PGS1: variants seen among roughly 807,000 people sequenced by gnomAD.
PGS1 encodes the protein phosphatidylglycerophosphate synthase 1.
PGS1 carries 44 observed loss-of-function variants against 58.3 expected under a neutral mutation model. The ratio of observed to expected loss-of-function variants is 0.75; its 90% CI spans 0.59 to 0.97. PGS1 has a LOEUF of 0.97. PGS1 is among the 50% of genes least tolerant of loss of function. The pLI is 0.00. For synonymous variants in PGS1, 330 were observed against 311.0 expected (o/e 1.06, Z -0.64); for missense variants, 684 against 731.1 (o/e 0.94, Z 0.74).
chr17:78,420,139 G>T (rs866619621), intron 9 of PGS1: 1 of 1,017,866 alleles, frequency 9.8e-7, no homozygotes, highest in Non-Finnish European at 1.2e-6. Flanking sequence ...TAGTGCACAG[G>T]GTGGGGCGTC....
intron 2 of PGS1, among the ~76,000 whole-genome samples, chr17:78,394,812 C>T (rs544783829): frequency 9.5e-4 from 145 of 152,308 alleles, no homozygotes; most frequent in Admixed American, 2.2e-3. Flanking sequence ...ACCTCGGCCT[C>T]CCAAAGTGCT....
intron 8 of PGS1, among the ~76,000 whole-genome samples, chr17:78,417,161 G>C (rs915365551): frequency 6.6e-6 from 1 of 152,182 alleles, no homozygotes. Flanking sequence ...TCGTAACCTC[G>C]TCAGCTGACT....
At chr17:78,417,104 AAC>A (rs1491202650) in intron 8 of PGS1, among the ~76,000 whole-genome samples, 1 of 152,206 alleles carries the variant, frequency 6.6e-6, no homozygotes, top group African/African-American at 2.4e-5. Context: ...TTGTTCAGGG[AAC>A]ACAGTTTACC....
chr17:78,400,491 G>T lies in PGS1; in HGVS notation c.702-186G>T, dbSNP rs1037392795. The stretch of plus-strand genomic sequence containing the variant: ...GGAGGAGGCTGTGGGTCACTTTGCT[G>T]TGTCACCTTGGATCAACTCTGGCTT... On this transcript the variant is annotated intron_variant, in intron 5 of 9. Coordinates refer to ENST00000262764, the MANE Select transcript of PGS1 (RefSeq NM_024419.5). This position sits in a 1 kb window ranked among gnomAD's most constrained non-coding sequence, Gnocchi z 4.4. Among the ~76,000 whole-genome samples the T allele has an allele frequency of 6.6e-6, 1 of 152,120 alleles. No homozygotes were observed. The highest frequency in any genetic ancestry group is 2.4e-5 in the African/African-American group (1 of 41,424).
intron 1 of PGS1, among the ~76,000 whole-genome samples, chr17:78,389,130 T>A (rs2082624021): frequency 7.0e-6 from 1 of 142,410 alleles, no homozygotes; most frequent in Admixed American, 7.2e-5. Context: ...TGGTGTGATC[T>A]CGGCTCACTG....
At chr17:78,404,877 C>G (rs1451043256) in intron 7 of PGS1, among the ~76,000 whole-genome samples, 1 of 152,106 alleles carries the variant, frequency 6.6e-6, no homozygotes, top group Non-Finnish European at 1.5e-5. Context: ...TCAGGCTGGC[C>G]TTGAACTCCT....
chr17:78,386,999 A>ATGATGATGG (rs1325090659), intron 1 of PGS1, among the ~76,000 whole-genome samples: 1 of 149,244 alleles, frequency 6.7e-6, no homozygotes, highest in South Asian at 2.1e-4. Flanking sequence ...GGTGATGATG[A>ATGATGATGG]TGATGATGGT....
intron 1 of PGS1, among the ~76,000 whole-genome samples, chr17:78,389,152 G>A (rs755169479): frequency 2.2e-5 from 3 of 136,162 alleles, no homozygotes; most frequent in Admixed American, 1.5e-4. Flanking sequence ...AACCTCTGGC[G>A]CCCAGGTTCA....
At chr17:78,401,433 C>T (rs1459016248) in intron 6 of PGS1, among the ~76,000 whole-genome samples, 2 of 152,224 alleles carry the variant, frequency 1.3e-5, no homozygotes, top group African/African-American at 4.8e-5. Flanking sequence ...GAGCTCTCAG[C>T]TCTGCCCACT....
At chr17:78,417,775 G>C (rs1598390210) in intron 8 of PGS1, among the ~76,000 whole-genome samples, 1 of 151,764 alleles carries the variant, frequency 6.6e-6, no homozygotes. Flanking sequence ...TGGAGACTCA[G>C]TGGAGGAGAG....
At chr17:78,407,158 G>T (rs763269577) in intron 7 of PGS1, among the ~76,000 whole-genome samples, 2 of 151,946 alleles carry the variant, frequency 1.3e-5, no homozygotes, top group African/African-American at 4.8e-5. Context: ...CCCAGGGCAC[G>T]TGCCCATGTG....
Position 78,424,154 on chromosome 17 carries a change from CT to C in PGS1, c.*105del. On this transcript the variant is annotated 3_prime_UTR_variant, in exon 10 of 10. Transcript: ENST00000262764. ...CCAGTCTGGGTGTCCCAGCGAGCCC[CT>C]GCAGGGACAGTATGGCTGAGGGTCA... The C allele has an allele frequency of 6.2e-7, 1 of 1,608,762 alleles. No homozygotes were observed. The highest frequency in any genetic ancestry group is 8.5e-7 in the Non-Finnish European group (1 of 1,177,728).
At chr17:78,384,188 G>T (rs1240429496) in intron 1 of PGS1, among the ~76,000 whole-genome samples, 2 of 152,214 alleles carry the variant, frequency 1.3e-5, no homozygotes, top group Non-Finnish European at 2.9e-5. Flanking sequence ...GCATGTAGCT[G>T]CATGCTGGCA....
At chr17:78,394,829 A>G (rs1017251812) in intron 2 of PGS1, among the ~76,000 whole-genome samples, 1 of 152,186 alleles carries the variant, frequency 6.6e-6, no homozygotes, top group African/African-American at 2.4e-5. Flanking sequence ...TGCTGGGATT[A>G]CAGGCATTAG....
intron 8 of PGS1, among the ~76,000 whole-genome samples, chr17:78,419,071 A>ACT (rs2085459084): frequency 1.3e-5 from 2 of 152,022 alleles, no homozygotes; most frequent in South Asian, 4.1e-4. Context: ...TTGCAGTGGC[A>ACT]GCATCACAGC....
At chr17:78,388,095 TAACA>T (rs1411703243) in intron 1 of PGS1, among the ~76,000 whole-genome samples, 3 of 152,208 alleles carry the variant, frequency 2.0e-5, no homozygotes, top group Non-Finnish European at 4.4e-5. Flanking sequence ...TTTTCCTCTC[TAACA>T]AAAATAAACC....
intron 1 of PGS1, among the ~76,000 whole-genome samples, chr17:78,390,834 C>T (rs62075746): frequency 0.14 from 21,930 of 152,000 alleles, 1,777 homozygotes; most frequent in African/African-American, 0.22. Flanking sequence ...GTGTGGAGTC[C>T]GCTGGGGTGC....
intron 1 of PGS1, 77 bp from the exon 2 acceptor site, chr17:78,392,399 C>A: frequency 1.9e-6 from 2 of 1,035,718 alleles, no homozygotes; most frequent in East Asian, 2.6e-5. Context: ...TCTTCACTCC[C>A]CAGTAACTGA....
intron 1 of PGS1, among the ~76,000 whole-genome samples, chr17:78,386,981 G>GTGATGATGGTGATGATGA (rs1567940601): frequency 1.8e-5 from 2 of 111,510 alleles, no homozygotes; most frequent in Non-Finnish European, 1.9e-5. Context: ...GATGATGATG[G>GTGATGATGGTGATGATGA]TGATGATGGT....
Sources: allele counts gnomAD v4.1 joint callset (sites outside exome capture counted in the v4.1 genomes callset), GRCh38; gene constraint gnomAD v4.1.1; non-coding constraint Gnocchi (gnomAD v3.1); transcripts MANE v1.5; gene names NCBI Gene and HGNC (gene_info 2026-07-23, HGNC 2026-07-21).